GCSAML: variants seen among roughly 807,000 people sequenced by gnomAD.
GCSAML encodes the protein germinal center-associated signaling and motility-like protein.
GCSAML carries 9 observed loss-of-function variants against 13.0 expected under a neutral mutation model. The ratio of observed to expected loss-of-function variants is 0.69; its 90% CI spans 0.42 to 1.21. The LOEUF is 1.21. Among genes scored for constraint, GCSAML ranks in the 50% most tolerant of loss-of-function variants. The pLI is 0.00. For synonymous variants in GCSAML, 37 were observed against 52.9 expected, an observed-to-expected ratio of 0.70 and a Z score of 1.31; for missense variants, 143 against 153.4, an observed-to-expected ratio of 0.93 and a Z score of 0.36.
At position 247,517,733 on chromosome 1, in the gene GCSAML, C is replaced by T. The variant is rs1369054391; in HGVS notation, c.-262-9207C>T. On this transcript the variant is annotated intron_variant, in intron 1 of 5. Coordinates refer to the GCSAML transcript ENST00000366489. ...CCTTCAGTGCTAGATAACCAGCAGG[C>T]AAGTGAGACTCGCTAAAAACTGTGG... Among the ~76,000 whole-genome samples the T allele has an allele frequency of 3.3e-5, 5 of 152,240 alleles. No homozygotes were observed. In the East Asian group the frequency reaches 9.7e-4, roughly 29 times the overall value.
intron 2 of GCSAML, among the ~76,000 whole-genome samples, chr1:247,543,009 T>C (rs1667459112): frequency 6.6e-6 from 1 of 152,204 alleles, no homozygotes; most frequent in African/African-American, 2.4e-5. Flanking sequence ...TGCAACCAAA[T>C]ATCTGTCCTT....
At position 247,556,466 on chromosome 1, in the gene GCSAML, G is replaced by A. The variant is rs766033339; in HGVS notation, c.89G>A (p.Arg30Gln). 15 of 1,605,330 alleles carry A rather than the reference G, an allele frequency of 9.3e-6. No individual in the cohort carries two copies. The highest frequency in any genetic ancestry group is 2.2e-5 in the East Asian group (1 of 44,788). Reference protein sequence around the residue: ...KKGNPDEERKRQEMTTFERKL... With the variant: ...KKGNPDEERKQQEMTTFERKL... ...GGAAACCCAGATGAGGAAAGAAAACGGTAAGAACAGAGCATCTCAGAGTTT... is the reference window on the plus strand; with the variant it reads ...GGAAACCCAGATGAGGAAAGAAAACAGTAAGAACAGAGCATCTCAGAGTTT... Residue 30 changes from arginine to glutamine, a missense_variant and splice_region_variant, in exon 2 of 5, where the codon CGG (arginine) becomes CAG (glutamine). By Grantham distance (43) the Arg-to-Gln change is conservative (BLOSUM62 1). Coordinates refer to ENST00000366488, the MANE Select transcript of GCSAML (RefSeq NM_145278.5).
rs1572386826 is a variant in GCSAML at position 247,574,790 on chromosome 1, C to A, written c.*408C>A. On this transcript the variant is annotated 3_prime_UTR_variant, in exon 5 of 5. Coordinates refer to ENST00000366488, the MANE Select transcript of GCSAML (RefSeq NM_145278.5). Reference sequence around the variant, plus strand: ...TGATAGGAAGGGAGGTGAGACACACCTTGTTATACCCCTTCCCTTTTGGAG... The same window carrying A: ...TGATAGGAAGGGAGGTGAGACACACATTGTTATACCCCTTCCCTTTTGGAG... 1 of 208,920 alleles carries A rather than the reference C, an allele frequency of 4.8e-6. No individual in the cohort carries two copies. The highest frequency in any genetic ancestry group is 8.3e-5 in the South Asian group (1 of 12,094). 12.9% of individuals were successfully genotyped at this position (208,920 alleles called of 1,614,324 possible).
intron 2 of GCSAML, among the ~76,000 whole-genome samples, chr1:247,562,911 C>A (rs1668188433): frequency 6.6e-6 from 1 of 151,902 alleles, no homozygotes; most frequent in Non-Finnish European, 1.5e-5. Context: ...ATGATCTCTG[C>A]TCGCTGCAAC....
At chr1:247,550,517 A>G (rs189777364) in intron 1 of GCSAML, among the ~76,000 whole-genome samples, 2,009 of 152,184 alleles carry the variant, frequency 0.013, 33 homozygotes, top group Admixed American at 0.046. Context: ...GGCACCTGTA[A>G]TCCCAGCTAC....
intron 1 of GCSAML, among the ~76,000 whole-genome samples, chr1:247,517,991 C>T (rs1484655427): frequency 6.6e-6 from 1 of 152,208 alleles, no homozygotes; most frequent in African/African-American, 2.4e-5. Flanking sequence ...GGCAACTGCA[C>T]CAACGTCCTC....
At chr1:247,572,878 GAA>G (rs1572383373) in intron 4 of GCSAML, among the ~76,000 whole-genome samples, 1 of 152,232 alleles carries the variant, frequency 6.6e-6, no homozygotes, top group East Asian at 1.9e-4. Flanking sequence ...ACAGAGAGGA[GAA>G]ATATAGAGAG....
intron 1 of GCSAML, among the ~76,000 whole-genome samples, chr1:247,552,385 G>A (rs4925559): frequency 0.56 from 85,405 of 152,100 alleles, 25,467 homozygotes; most frequent in East Asian, 0.76. Flanking sequence ...CTAGAACACG[G>A]ATGCAGAGAG....
intron 2 of GCSAML, among the ~76,000 whole-genome samples, chr1:247,560,160 C>G (rs1438758522): frequency 6.6e-6 from 1 of 152,146 alleles, no homozygotes; most frequent in South Asian, 2.1e-4. Context: ...ACAGCCCGGA[C>G]TTAGATAGGT....
intron 4 of GCSAML, among the ~76,000 whole-genome samples, chr1:247,573,110 A>G (rs939890902): frequency 6.6e-6 from 1 of 152,206 alleles, no homozygotes; most frequent in Admixed American, 6.5e-5. Context: ...GCTGGGCTCC[A>G]TGGTGGTGGG....
At chr1:247,519,632 G>A (rs1666345703) in intron 1 of GCSAML, among the ~76,000 whole-genome samples, 2 of 152,340 alleles carry the variant, frequency 1.3e-5, no homozygotes, top group Admixed American at 6.5e-5. Flanking sequence ...TTCTAGGTTA[G>A]CATAAAATGG....
At chr1:247,520,724 A>C (rs1363819461) in intron 1 of GCSAML, among the ~76,000 whole-genome samples, 1 of 152,138 alleles carries the variant, frequency 6.6e-6, no homozygotes, top group African/African-American at 2.4e-5. Flanking sequence ...TCTCATGTTC[A>C]AATAGCTGTT....
At chr1:247,541,500 G>A (rs1667410268) in intron 2 of GCSAML, among the ~76,000 whole-genome samples, 1 of 152,114 alleles carries the variant, frequency 6.6e-6, no homozygotes, top group Non-Finnish European at 1.5e-5. Context: ...GGTGCAGATG[G>A]AACCAAGGTG....
At chr1:247,517,589 T>A (rs1468204569) in intron 1 of GCSAML, among the ~76,000 whole-genome samples, 1 of 152,218 alleles carries the variant, frequency 6.6e-6, no homozygotes, top group East Asian at 1.9e-4. Context: ...AAAAGCTTGT[T>A]TAAAAAATTT....
intron 2 of GCSAML, among the ~76,000 whole-genome samples, chr1:247,542,610 G>A (rs1467795768): frequency 6.6e-6 from 1 of 152,132 alleles, no homozygotes; most frequent in African/African-American, 2.4e-5. Flanking sequence ...AATTTTACTT[G>A]CTACATACTT....
At chr1:247,564,069 G>T (rs540025484) in intron 3 of GCSAML, among the ~76,000 whole-genome samples, 1 of 152,086 alleles carries the variant, frequency 6.6e-6, no homozygotes, top group East Asian at 1.9e-4. Flanking sequence ...GAGTAGCAGG[G>T]ATTACAGGGA....
In GCSAML at chr1:247,526,627, C is replaced by A; in HGVS notation, c.-262-313C>A. ...CTCAGCTGTGCATGCTGTGGTGATG[C>A]ATGACCCTCACAGTGTGCAGCATGG... On this transcript the variant is annotated intron_variant, in intron 1 of 5. Coordinates refer to the GCSAML transcript ENST00000366489. This position sits in a 1 kb window ranked among gnomAD's most constrained non-coding sequence, Gnocchi z 4.8. 1 of 256,464 alleles carries A rather than the reference C, an allele frequency of 3.9e-6. No individual in the cohort carries two copies. The highest frequency in any genetic ancestry group is 4.4e-5 in the South Asian group (1 of 22,828). The allele number at this position is 256,464 out of a possible 1,614,324, so 15.9% of individuals were successfully genotyped here. A position where few individuals can be genotyped will look rare whatever the true frequency, so the allele number is the denominator to read the frequency against.
chr1:247,539,777 A>C (rs1425829215), intron 2 of GCSAML, among the ~76,000 whole-genome samples: 7 of 152,178 alleles, frequency 4.6e-5, no homozygotes. Flanking sequence ...TTTACAACGA[A>C]TCACCCTGTC....
Position 247,565,671 on chromosome 1 carries a change from C to T in GCSAML, c.140-260C>T, listed in dbSNP as rs1328538154. ...ATTTTGAAATCCATCTTATTCAGTA[C>T]ATTAATGTGCTTTATTTACAGAAAG... On this transcript the variant is annotated intron_variant, in intron 3 of 4. Coordinates refer to ENST00000366488, the MANE Select transcript of GCSAML (RefSeq NM_145278.5). 16 of 396,424 alleles carry T rather than the reference C, an allele frequency of 4.0e-5. No individual in the cohort carries two copies. The South Asian group carries it at 5.6e-4, about 14-fold the overall frequency. The allele number at this position is 396,424 out of a possible 1,614,324, so 24.6% of individuals were successfully genotyped here. A position where few individuals can be genotyped will look rare whatever the true frequency, so the allele number is the denominator to read the frequency against.
Sources: allele counts gnomAD v4.1 joint callset (sites outside exome capture counted in the v4.1 genomes callset), GRCh38; gene constraint gnomAD v4.1.1; non-coding constraint Gnocchi (gnomAD v3.1); transcripts MANE v1.5; gene names NCBI Gene and HGNC (gene_info 2026-07-23, HGNC 2026-07-21).